Variants in ACYP2 observed in about 807,000 individuals in gnomAD.
The protein encoded by ACYP2 is acylphosphatase-2.
Under a neutral mutation model 11.2 loss-of-function variants are expected in ACYP2, and 12 were observed. That is an observed-to-expected ratio of 1.08 (90% CI 0.69 to 1.74). ACYP2 has a LOEUF of 1.74. Ranked by LOEUF, ACYP2 falls within the 40% of genes most tolerant of loss-of-function variation. The pLI is 0.00. For synonymous variants in ACYP2, 43 were observed against 32.2 expected (o/e 1.33, Z -1.13); for missense variants, 134 against 101.9 (o/e 1.31, Z -1.35).
chr2:54,281,278 A>G (rs1193991873), intron 6 of ACYP2, among the ~76,000 whole-genome samples: 7 of 152,216 alleles, frequency 4.6e-5, no homozygotes, highest in Non-Finnish European at 8.8e-5. Context: ...AGTGGGATAT[A>G]TTCTGATGCC....
At chr2:54,101,748 T>A (rs1678906361) in intron 4 of ACYP2, among the ~76,000 whole-genome samples, 1 of 152,080 alleles carries the variant, frequency 6.6e-6, no homozygotes, top group African/African-American at 2.4e-5. Flanking sequence ...CTTTCCTCCC[T>A]TTCTCCTTTT....
intron 6 of ACYP2, among the ~76,000 whole-genome samples, chr2:54,288,984 C>A (rs1689193653): frequency 6.6e-6 from 1 of 151,938 alleles, no homozygotes; most frequent in Non-Finnish European, 1.5e-5. Context: ...CTATTCAAAG[C>A]CTCATCATCT....
chr2:54,164,874 G>A (rs906703543), intron 6 of ACYP2, among the ~76,000 whole-genome samples: 8 of 152,020 alleles, frequency 5.3e-5, no homozygotes, highest in East Asian at 1.9e-4. Context: ...CCTCACCCCC[G>A]TGACAGGCCT....
chr2:53,993,965 C>G (rs147511886), intron 2 of ACYP2, among the ~76,000 whole-genome samples: 25 of 152,242 alleles, frequency 1.6e-4, no homozygotes, highest in Admixed American at 3.9e-4. Context: ...GAGGGTGGAT[C>G]ACCAGGTCAA....
At chr2:54,189,640 G>A (rs1684153960) in intron 6 of ACYP2, among the ~76,000 whole-genome samples, 2 of 151,444 alleles carry the variant, frequency 1.3e-5, no homozygotes, top group African/African-American at 4.9e-5. Context: ...CTCTATCTTG[G>A]CTATTGTGAA....
chr2:54,083,137 C>T (rs575828894), intron 4 of ACYP2, among the ~76,000 whole-genome samples: 5 of 152,014 alleles, frequency 3.3e-5, no homozygotes, highest in Non-Finnish European at 7.4e-5. Flanking sequence ...AAACTAGAGA[C>T]TTGCATGATG....
chr2:54,096,046 C>T (rs1233040047), intron 4 of ACYP2, among the ~76,000 whole-genome samples: 1 of 100,322 alleles, frequency 1.0e-5, no homozygotes, highest in Non-Finnish European at 2.0e-5. Context: ...GCTGGCCGGG[C>T]GGGGGGCTGA....
At chr2:54,141,211 A>G (rs1441764906) in intron 6 of ACYP2, among the ~76,000 whole-genome samples, 1 of 152,022 alleles carries the variant, frequency 6.6e-6, no homozygotes, top group African/African-American at 2.4e-5. Context: ...ATTATCTGTT[A>G]TTGCTTTTGC....
intron 4 of ACYP2, among the ~76,000 whole-genome samples, chr2:54,114,642 C>T (rs993818011): frequency 5.9e-5 from 9 of 152,184 alleles, no homozygotes; most frequent in Non-Finnish European, 1.3e-4. Flanking sequence ...TGAGATTGCA[C>T]TACTGCACTC....
chr2:54,005,628 T>C (rs1365998130), intron 2 of ACYP2, among the ~76,000 whole-genome samples: 1 of 152,174 alleles, frequency 6.6e-6, no homozygotes, highest in Non-Finnish European at 1.5e-5. Context: ...TGTCAGCCAC[T>C]GCGCCCAGCC....
chr2:54,236,617 TA>T (rs1355581292), intron 6 of ACYP2, among the ~76,000 whole-genome samples: 2 of 152,226 alleles, frequency 1.3e-5, no homozygotes, highest in Non-Finnish European at 2.9e-5. Context: ...ATGATTTTGA[TA>T]ATGATCTATG....
chr2:54,221,348 C>A (rs1685794345), intron 6 of ACYP2, among the ~76,000 whole-genome samples: 1 of 152,030 alleles, frequency 6.6e-6, no homozygotes, highest in African/African-American at 2.4e-5. Context: ...ATTACTATTT[C>A]AAAAAGCACA....
chr2:54,263,075 T>TA (rs918147281), intron 6 of ACYP2, among the ~76,000 whole-genome samples: 10 of 152,104 alleles, frequency 6.6e-5, no homozygotes, highest in South Asian at 2.1e-4. Flanking sequence ...TGAATTGCTA[T>TA]AAAAAAATAC....
At chr2:54,250,204 G>A (rs950096000) in intron 6 of ACYP2, among the ~76,000 whole-genome samples, 12 of 152,258 alleles carry the variant, frequency 7.9e-5, no homozygotes, top group Admixed American at 7.8e-4. Flanking sequence ...TCTCAGCCAG[G>A]CGTGGTGGCT....
At chr2:54,025,059 A>G (rs1479004711) in intron 2 of ACYP2, among the ~76,000 whole-genome samples, 1 of 152,200 alleles carries the variant, frequency 6.6e-6, no homozygotes, top group African/African-American at 2.4e-5. Context: ...GACCTCTACA[A>G]GGAAAACTAC....
At chr2:54,079,722 C>T (rs1448666030) in intron 4 of ACYP2, among the ~76,000 whole-genome samples, 1 of 152,082 alleles carries the variant, frequency 6.6e-6, no homozygotes, top group Non-Finnish European at 1.5e-5. Flanking sequence ...TTCGGAATAG[C>T]TTGATGCTTA....
At chr2:53,996,016 C>T (rs1672556446) in intron 2 of ACYP2, among the ~76,000 whole-genome samples, 1 of 151,928 alleles carries the variant, frequency 6.6e-6, no homozygotes, top group African/African-American at 2.4e-5. Flanking sequence ...TGTCTGTAAT[C>T]CCAGCTACAT....
intron 6 of ACYP2, among the ~76,000 whole-genome samples, chr2:54,279,922 T>A (rs1688770852): frequency 6.6e-6 from 1 of 152,204 alleles, no homozygotes; most frequent in Non-Finnish European, 1.5e-5. Context: ...ATTACCTGTT[T>A]GTTAAATGCT....
intron 4 of ACYP2, among the ~76,000 whole-genome samples, chr2:54,086,298 C>T (rs1572718446): frequency 6.6e-6 from 1 of 152,244 alleles, no homozygotes; most frequent in East Asian, 1.9e-4. Context: ...ATAAAGACCT[C>T]TGCACTAGAC....
Sources: gnomAD v4.1 joint callset for allele counts (sites outside exome capture counted in the v4.1 genomes callset) on GRCh38, gnomAD v4.1.1 for gene constraint, MANE v1.5 for transcripts, NCBI Gene and HGNC (gene_info 2026-07-23, HGNC 2026-07-21) for gene names.